GDPD4: variants seen among roughly 807,000 people sequenced by gnomAD.
GDPD4 encodes the protein glycerophosphodiester phosphodiesterase domain containing 4.
In GDPD4, 60 loss-of-function variants were observed where a neutral mutation model predicts 67.8. That is an observed-to-expected ratio of 0.88 (90% CI 0.72 to 1.10). The LOEUF (loss-of-function observed/expected upper bound fraction) is 1.10, where lower values mean the gene tolerates loss of function less well. GDPD4 is among the 50% of genes least tolerant of loss of function. The pLI is 0.00. For synonymous variants in GDPD4, 212 were observed against 210.9 expected (o/e 1.00, Z -0.04); for missense variants, 623 against 613.9 (o/e 1.01, Z -0.16).
intron 13 of GDPD4, among the ~76,000 whole-genome samples, chr11:77,238,180 A>T (rs77475391): frequency 0.018 from 2,788 of 152,352 alleles, 95 homozygotes; most frequent in African/African-American, 0.063. Flanking sequence ...AAGACTGATC[A>T]AGAAAAACAG....
chr11:77,250,686 A>G (rs187039622), intron 11 of GDPD4, among the ~76,000 whole-genome samples: 1 of 152,320 alleles, frequency 6.6e-6, no homozygotes, highest in African/African-American at 2.4e-5. Context: ...CATTTGGTCC[A>G]AGTACAGTTT....
At chr11:77,269,855 C>CTT in intron 8 of GDPD4, 28 bp downstream of exon 8, 1 of 1,309,060 alleles carries the variant, frequency 7.6e-7, no homozygotes, top group Non-Finnish European at 1.1e-6. Flanking sequence ...GCTTTAGTGA[C>CTT]TTTCAAATCT....
chr11:77,274,176 T>C (rs1242394578), intron 5 of GDPD4, among the ~76,000 whole-genome samples: 2 of 152,222 alleles, frequency 1.3e-5, no homozygotes, highest in African/African-American at 4.8e-5. Flanking sequence ...AAGGCCTATT[T>C]GTTCAATTTT....
intron 14 of GDPD4, among the ~76,000 whole-genome samples, chr11:77,230,777 T>C (rs1958439497): frequency 6.6e-6 from 1 of 152,198 alleles, no homozygotes; most frequent in Admixed American, 6.5e-5. Context: ...CAACGTGACT[T>C]AGCTGTGCCT....
chr11:77,220,064 T>C lies in GDPD4; in HGVS notation c.1526-2750A>G, dbSNP rs115432673. Among the ~76,000 whole-genome samples, 811 of 152,296 alleles carry C rather than the reference T, an allele frequency of 5.3e-3. 6 individuals carry two copies. The highest frequency in any genetic ancestry group is 0.018 in the African/African-American group (767 of 41,562). ...GAGACTATGGGGTGATTTTGTATCC[T>C]GAGACTTTGCAGAAGTTGCTGATCA... On this transcript the variant is annotated intron_variant, in intron 16 of 16. Transcript: ENST00000315938.
At chr11:77,237,613 C>T (rs942817406) in intron 13 of GDPD4, among the ~76,000 whole-genome samples, 2 of 152,196 alleles carry the variant, frequency 1.3e-5, no homozygotes, top group African/African-American at 2.4e-5. Context: ...GGTTTGTTCT[C>T]TGATCACAAT....
chr11:77,223,966 G>A (rs769505333), intron 16 of GDPD4, among the ~76,000 whole-genome samples: 2 of 152,356 alleles, frequency 1.3e-5, no homozygotes, highest in Non-Finnish European at 2.9e-5. Flanking sequence ...CGCTAGTGGT[G>A]AGCAAGGCTC....
intron 1 of GDPD4, among the ~76,000 whole-genome samples, chr11:77,294,021 T>TTGGC (rs1226386053): frequency 6.6e-6 from 1 of 152,180 alleles, no homozygotes; most frequent in Non-Finnish European, 1.5e-5. Flanking sequence ...AACTTAGAAT[T>TTGGC]AATAAGTGAG....
At chr11:77,225,280 A>G (rs11237134) in intron 16 of GDPD4, among the ~76,000 whole-genome samples, 14,424 of 150,672 alleles carry the variant, frequency 0.096, 2,044 homozygotes, top group African/African-American at 0.31. Flanking sequence ...CAGCCTGGGC[A>G]ACAGAGCAAG....
In GDPD4 at chr11:77,288,309, G is replaced by A. The variant is rs112778471; in HGVS notation, c.-253-889C>T. ...ACCTGCCCTGCACACTGCTAACACTGCCAGTACCCAAGCAAGCCACCTAGA... is the reference window on the plus strand; with the variant it reads ...ACCTGCCCTGCACACTGCTAACACTACCAGTACCCAAGCAAGCCACCTAGA... On this transcript the variant is annotated intron_variant, in intron 1 of 16. Transcript: ENST00000315938. 3.4e-3 allele frequency among the ~76,000 whole-genome samples: 510 copies of A among 152,200 alleles called. 1 individual carries two copies. Among genetic ancestry groups the A allele is most frequent in the African/African-American group, 0.011 (474 of 41,520 alleles).
At chr11:77,293,589 CA>C (rs35700863) in intron 1 of GDPD4, among the ~76,000 whole-genome samples, 42,136 of 139,292 alleles carry the variant, frequency 0.3, 5,858 homozygotes, top group Middle Eastern at 0.34. Context: ...GACCTTGTCT[CA>C]AAAAAAAAAA....
In GDPD4 at chr11:77,269,908, T is replaced by C. The variant is rs755949855; in HGVS notation, c.453A>G (p.Gln151=). Reference sequence around the variant, plus strand: ...CTCTTAACCTTGTGATTACATTACATTGCTTGAGTCTTTTTTTCTCAGAAT... The same window carrying C: ...CTCTTAACCTTGTGATTACATTACACTGCTTGAGTCTTTTTTTCTCAGAAT... The part of the protein sequence containing the change: ...MTHSEKKRLK[Q]CNVITRLRGL... The change falls in exon 8 of 17, where the codon CAA becomes CAG. Residue 151 remains glutamine, a synonymous_variant. Coordinates refer to ENST00000315938, the MANE Select transcript of GDPD4 (RefSeq NM_182833.3). 3 of 1,589,082 alleles carry C rather than the reference T, an allele frequency of 1.9e-6. No homozygotes were observed. The highest frequency in any genetic ancestry group is 1.1e-5 in the South Asian group (1 of 89,872).
chr11:77,237,578 A>T (rs1958591085), intron 13 of GDPD4, among the ~76,000 whole-genome samples: 1 of 152,204 alleles, frequency 6.6e-6, no homozygotes, highest in South Asian at 2.1e-4. Context: ...TAAGCCATAG[A>T]ATTTAAAAGG....
chr11:77,244,177 G>T (rs375554566), intron 12 of GDPD4, among the ~76,000 whole-genome samples: 1 of 152,044 alleles, frequency 6.6e-6, no homozygotes, highest in African/African-American at 2.4e-5. Context: ...TACCACACCC[G>T]GCTAATTTTT....
intron 10 of GDPD4, among the ~76,000 whole-genome samples, chr11:77,261,994 T>C (rs1959128520): frequency 6.6e-6 from 1 of 152,222 alleles, no homozygotes; most frequent in South Asian, 2.1e-4. Flanking sequence ...TTGTTGTGAA[T>C]AGAAAAAATT....
At chr11:77,235,014 T>TTTTTTTTTTTG (rs1958528054) in intron 13 of GDPD4, among the ~76,000 whole-genome samples, 1 of 69,940 alleles carries the variant, frequency 1.4e-5, no homozygotes, top group African/African-American at 6.7e-5. Context: ...TATCTGTTTT[T>TTTTTTTTTTTG]TTTTTTTTTT....
chr11:77,239,731 C>T (rs983103800), intron 13 of GDPD4, among the ~76,000 whole-genome samples: 1 of 151,934 alleles, frequency 6.6e-6, no homozygotes, highest in Admixed American at 6.6e-5. Context: ...GGGGCTGAGG[C>T]GGGTGGATCA....
At chr11:77,267,641 ATTGT>A (rs1453837265) in intron 10 of GDPD4, among the ~76,000 whole-genome samples, 1 of 152,088 alleles carries the variant, frequency 6.6e-6, no homozygotes, top group African/African-American at 2.4e-5. Context: ...TTCTAATTGG[ATTGT>A]TTGGTTTGTA....
intron 13 of GDPD4, among the ~76,000 whole-genome samples, chr11:77,240,941 G>A (rs1221631989): frequency 2.0e-5 from 3 of 152,220 alleles, no homozygotes; most frequent in African/African-American, 2.4e-5. Flanking sequence ...TGGCAAGGAT[G>A]TGGAGAAAAG....
Sources: gnomAD v4.1 joint callset for allele counts (sites outside exome capture counted in the v4.1 genomes callset) on GRCh38, gnomAD v4.1.1 for gene constraint, MANE v1.5 for transcripts, NCBI Gene and HGNC (gene_info 2026-07-23, HGNC 2026-07-21) for gene names.